ANKIB1: variants seen among roughly 807,000 people sequenced by gnomAD.
ANKIB1 encodes the protein ankyrin repeat and IBR domain-containing protein 1.
A neutral mutation model predicts 122.1 loss-of-function variants in ANKIB1; 43 were observed. The ratio of observed to expected loss-of-function variants is 0.35; its 90% CI spans 0.28 to 0.45. ANKIB1 has a LOEUF of 0.45. Among genes scored for constraint, ANKIB1 ranks in the 20% least tolerant of loss-of-function variants. ANKIB1 has a pLI of 1.00. For missense variants in ANKIB1, 992 were observed against 1,329.5 expected, an observed-to-expected ratio of 0.75 and a Z score of 3.95; for synonymous variants, 390 against 442.0, an observed-to-expected ratio of 0.88 and a Z score of 1.48.
At position 92,305,780 on chromosome 7, in the gene ANKIB1, G is replaced by C. The variant is rs561195212; in HGVS notation, c.189-1579G>C. 2.6e-5 allele frequency among the ~76,000 whole-genome samples: 4 copies of C among 152,248 alleles called. No individual in the cohort carries two copies. The South Asian group carries it at 8.3e-4, about 32-fold the overall frequency. On this transcript the variant is annotated intron_variant, in intron 2 of 19. Coordinates refer to ENST00000265742, the MANE Select transcript of ANKIB1 (RefSeq NM_019004.2). The stretch of plus-strand genomic sequence containing the variant: ...CATGTAGAGAAAACCTGAGCAAACT[G>C]TACTAAAACTTGGAACCTGGACAAA...
intron 4 of ANKIB1, among the ~76,000 whole-genome samples, chr7:92,324,941 A>G (rs1386274110): frequency 1.3e-5 from 2 of 152,242 alleles, no homozygotes; most frequent in Non-Finnish European, 2.9e-5. Flanking sequence ...ACAGGGAGAG[A>G]GAAACACACA....
chr7:92,372,845 C>T (rs371640698), intron 11 of ANKIB1, among the ~76,000 whole-genome samples: 36 of 151,808 alleles, frequency 2.4e-4, no homozygotes, highest in African/African-American at 8.7e-4. Context: ...GAAATGTCAT[C>T]TATGTATAAA....
chr7:92,271,784 G>A (rs750948484), intron 1 of ANKIB1, among the ~76,000 whole-genome samples: 1 of 152,082 alleles, frequency 6.6e-6, no homozygotes, highest in Non-Finnish European at 1.5e-5. Flanking sequence ...AATATAAAGA[G>A]ATTAAAGATG....
chr7:92,290,162 A>C (rs1050513807), intron 1 of ANKIB1, among the ~76,000 whole-genome samples: 9 of 152,082 alleles, frequency 5.9e-5, no homozygotes, highest in African/African-American at 2.2e-4. Flanking sequence ...CCACTAGAGC[A>C]TTTCTTTGGA....
chr7:92,307,512 A>G lies in ANKIB1; in HGVS notation c.342A>G (p.Ala114=), dbSNP rs1338887463. The G allele has an allele frequency of 1.2e-6, 2 of 1,613,938 alleles. No homozygotes were observed. Among genetic ancestry groups the G allele is most frequent in the Admixed American group, 3.3e-5 (2 of 60,026 alleles). The change falls in exon 3 of 20, where the codon GCA becomes GCG. Residue 114 remains alanine, a synonymous_variant. Coordinates refer to ENST00000265742, the MANE Select transcript of ANKIB1 (RefSeq NM_019004.2). The part of the protein sequence containing the change: ...ARPTEDDFRR[A]DCLQMILKWK... ...CCACAGAAGATGATTTCAGAAGAGC[A>G]GATTGTCTGCAGATGATCTTAAAAT...
intron 11 of ANKIB1, among the ~76,000 whole-genome samples, chr7:92,371,884 A>T (rs1281677722): frequency 6.6e-6 from 1 of 151,638 alleles, no homozygotes; most frequent in Non-Finnish European, 1.5e-5. Flanking sequence ...TCAGAAATTC[A>T]TGAATCCTTC....
At chr7:92,378,969 G>T (rs1804448398) in intron 11 of ANKIB1, among the ~76,000 whole-genome samples, 1 of 152,170 alleles carries the variant, frequency 6.6e-6, no homozygotes, top group Admixed American at 6.5e-5. Context: ...CAAGAAATAT[G>T]CAAGACTTAT....
At chr7:92,254,012 T>C (rs1056776382) in intron 1 of ANKIB1, among the ~76,000 whole-genome samples, 1 of 152,178 alleles carries the variant, frequency 6.6e-6, no homozygotes, top group Non-Finnish European at 1.5e-5. Flanking sequence ...AGGAATACTT[T>C]CTTGCAGCTG....
At chr7:92,389,689 C>A (rs879921159) in intron 14 of ANKIB1, among the ~76,000 whole-genome samples, 3 of 152,092 alleles carry the variant, frequency 2.0e-5, no homozygotes, top group Non-Finnish European at 4.4e-5. Context: ...TGGAGTGAGA[C>A]CAGAATCCAA....
intron 1 of ANKIB1, among the ~76,000 whole-genome samples, chr7:92,283,155 A>G (rs1047668858): frequency 1.3e-5 from 2 of 152,170 alleles, no homozygotes; most frequent in African/African-American, 2.4e-5. Flanking sequence ...CCAAACTGCC[A>G]TAGATATTTT....
intron 2 of ANKIB1, among the ~76,000 whole-genome samples, chr7:92,299,843 G>T (rs1479258024): frequency 6.6e-6 from 1 of 151,800 alleles, no homozygotes; most frequent in Non-Finnish European, 1.5e-5. Flanking sequence ...GTCTTGCTCT[G>T]TTTCCCAGGC....
intron 5 of ANKIB1, among the ~76,000 whole-genome samples, chr7:92,331,540 T>C (rs891436252): frequency 6.6e-6 from 1 of 151,772 alleles, no homozygotes; most frequent in South Asian, 2.1e-4. Context: ...TCCCAGAGTG[T>C]TGGGATTACA....
In ANKIB1 at chr7:92,390,477, G is replaced by A. The variant is rs555442725; in HGVS notation, c.2052+361G>A. On this transcript the variant is annotated intron_variant, in intron 15 of 19. Transcript: ENST00000265742. ...CCCACATTACCTATAAGATGAGAAA[G>A]TTGCTGTTTACCAGTTTATTTTTGA... Among the ~76,000 whole-genome samples the A allele has an allele frequency of 2.6e-5, 4 of 152,240 alleles. No homozygotes were observed. The East Asian group carries it at 5.8e-4, about 22-fold the overall frequency.
At chr7:92,274,904 G>A (rs913661252) in intron 1 of ANKIB1, among the ~76,000 whole-genome samples, 3 of 152,148 alleles carry the variant, frequency 2.0e-5, no homozygotes, top group African/African-American at 4.8e-5. Flanking sequence ...TCCAGCCTGC[G>A]CAACAGAATG....
chr7:92,387,278 G>T (rs551778513), intron 12 of ANKIB1, among the ~76,000 whole-genome samples: 1 of 152,174 alleles, frequency 6.6e-6, no homozygotes, highest in African/African-American at 2.4e-5. Context: ...AGAGGGTAGG[G>T]CTTCAAAATA....
In ANKIB1 at chr7:92,327,916, T is replaced by G; in HGVS notation, c.787+16T>G. 2 of 1,501,632 alleles carry G rather than the reference T, an allele frequency of 1.3e-6. No homozygotes were observed. Among genetic ancestry groups the G allele is most frequent in the Non-Finnish European group, 1.8e-6 (2 of 1,104,818 alleles). 93.0% of individuals were successfully genotyped at this position (1,501,632 alleles called of 1,614,324 possible). A position where few individuals can be genotyped will look rare whatever the true frequency, so the allele number is the denominator to read the frequency against. ...CGAGCTCATGGTAATGAAAGAAATGTCTTATGCTTCTAAGAACATGAGTAA... is the reference window on the plus strand; with the variant it reads ...CGAGCTCATGGTAATGAAAGAAATGGCTTATGCTTCTAAGAACATGAGTAA... On this transcript the variant is annotated intron_variant, in intron 5 of 19. Transcript: ENST00000265742.
chr7:92,284,969 C>A (rs1192479586), intron 1 of ANKIB1, among the ~76,000 whole-genome samples: 3 of 152,184 alleles, frequency 2.0e-5, no homozygotes, highest in Non-Finnish European at 2.9e-5. Flanking sequence ...TTTTAGGTAT[C>A]TAGCGTAGAA....
chr7:92,357,419 A>G (rs764998182), intron 9 of ANKIB1, among the ~76,000 whole-genome samples: 1 of 152,048 alleles, frequency 6.6e-6, no homozygotes, highest in African/African-American at 2.4e-5. Context: ...ATACTTGTCA[A>G]CAGTCATTGG....
intron 1 of ANKIB1, among the ~76,000 whole-genome samples, chr7:92,273,958 A>G (rs1253654732): frequency 6.6e-6 from 1 of 151,722 alleles, no homozygotes; most frequent in Non-Finnish European, 1.5e-5. Context: ...TTTTTTGTAG[A>G]GATGAAGTCC....
Sources: allele counts gnomAD v4.1 joint callset (sites outside exome capture counted in the v4.1 genomes callset), GRCh38; gene constraint gnomAD v4.1.1; transcripts MANE v1.5; gene names NCBI Gene and HGNC (gene_info 2026-07-23, HGNC 2026-07-21).